UNC13B: variants seen among roughly 807,000 people sequenced by gnomAD.
UNC13B encodes the protein protein unc-13 homolog B.
In UNC13B, 144 loss-of-function variants were observed where a neutral mutation model predicts 211.0. The observed-to-expected ratio is 0.68, with a 90% CI of 0.60 to 0.78. The LOEUF (loss-of-function observed/expected upper bound fraction) is 0.78. UNC13B is among the 30% of genes least tolerant of loss of function. The pLI, the probability that UNC13B is intolerant of heterozygous loss-of-function variation, is 0.00. For missense variants in UNC13B, 1,777 were observed against 2,002.0 expected (o/e 0.89, Z 2.14); for synonymous variants, 709 against 725.8 (o/e 0.98, Z 0.37).
intron 7 of UNC13B, among the ~76,000 whole-genome samples, chr9:35,261,479 T>C (rs1262675429): frequency 6.6e-6 from 1 of 152,096 alleles, no homozygotes; most frequent in African/African-American, 2.4e-5. Context: ...ATTTTATTTA[T>C]TTTTTAATTT....
chr9:35,163,021 G>A (rs1820859839), intron 1 of UNC13B, among the ~76,000 whole-genome samples: 1 of 152,202 alleles, frequency 6.6e-6, no homozygotes, highest in Non-Finnish European at 1.5e-5. Flanking sequence ...CGCGAACTAA[G>A]TTCTATGTGG....
At chr9:35,386,070 T>A (rs1251891255) in intron 23 of UNC13B, 95 bp from the exon 24 acceptor site, 2 of 1,558,154 alleles carry the variant, frequency 1.3e-6, no homozygotes, top group Non-Finnish European at 1.7e-6. Flanking sequence ...CAGACAGGGA[T>A]GAAAGAATCT....
In UNC13B at chr9:35,301,271, G is replaced by T. The variant is rs1185188708; in HGVS notation, c.1867G>T (p.Gly623Cys). 7.5e-6 allele frequency: 3 copies of T among 398,640 alleles called. No individual in the cohort carries two copies. The highest frequency in any genetic ancestry group is 1.3e-4 in the South Asian group (1 of 7,836). The allele number at this position is 398,640 out of a possible 1,614,324, so 24.7% of individuals were successfully genotyped here. A position where few individuals can be genotyped will look rare whatever the true frequency, so the allele number is the denominator to read the frequency against. ...AAAAACCTCTGAAAATGAGCACATG[G>T]GTAATAAAACTGGGAGTTTATACTT... ...HRKTSENEHM[G>C]NKTGSLYFQN... The change falls in exon 9 of 40, where the codon GGT (glycine) becomes TGT (cysteine). Residue 623 changes from glycine (G) to cysteine (C), a missense_variant. Coordinates refer to ENST00000635942, the MANE Select transcript of UNC13B (RefSeq NM_001371189.2).
In UNC13B at chr9:35,305,334, G is replaced by C; in HGVS notation, c.5930G>C (p.Gly1977Ala). The change falls in exon 9 of 40, where the codon GGT becomes GCT. Residue 1977 changes from glycine (G) to alanine (A), a missense_variant. Transcript: ENST00000635942. ...CCTCAAGAAAAGAAAGAATCTTCTG[G>C]TGTTTCAAATTTTTGGGGTACCCTT... ...IPPQEKKESS[G>A]VSNFWGTLGD... is the part of the protein sequence containing the mutation. 2.5e-6 allele frequency: 1 copy of C among 398,908 alleles called. No individual in the cohort carries two copies. The allele number at this position is 398,908 out of a possible 1,614,324, so 24.7% of individuals were successfully genotyped here. A position where few individuals can be genotyped will look rare whatever the true frequency, so the allele number is the denominator to read the frequency against.
At chr9:35,345,724 T>TA in intron 11 of UNC13B, among the ~76,000 whole-genome samples, 1 of 152,304 alleles carries the variant, frequency 6.6e-6, no homozygotes, top group East Asian at 1.9e-4. Context: ...CTCCTTGGTA[T>TA]AAAAAACCTT....
At position 35,306,308 on chromosome 9, in the gene UNC13B, G is replaced by GT. The variant is rs1183231980; in HGVS notation, c.6905dup (p.Asp2303ArgfsTer24). ...TACCTCCCTTGCAGATGAGCTCAGT[G>GT]TAGACAAGGACTGTCAGGAAAAACT... On this transcript the variant is annotated frameshift_variant, in exon 9 of 40. Coordinates refer to ENST00000635942, the MANE Select transcript of UNC13B (RefSeq NM_001371189.2). LOFTEE classifies it high-confidence loss of function. The GT allele has an allele frequency of 2.5e-6, 1 of 398,908 alleles. No individual in the cohort carries two copies. Among genetic ancestry groups the GT allele is most frequent in the Non-Finnish European group, 4.4e-6 (1 of 226,058 alleles). The allele number at this position is 398,908 out of a possible 1,614,324, so 24.7% of individuals were successfully genotyped here. A position where few individuals can be genotyped will look rare whatever the true frequency, so the allele number is the denominator to read the frequency against.
intron 2 of UNC13B, among the ~76,000 whole-genome samples, chr9:35,230,511 T>C (rs2131501126): frequency 6.6e-6 from 1 of 151,852 alleles, no homozygotes; most frequent in East Asian, 1.9e-4. Flanking sequence ...TTTATGTAAC[T>C]TGTGCTTTAG....
chr9:35,361,924 T>G (rs1833440409), intron 11 of UNC13B: 1 of 152,172 alleles, frequency 6.6e-6, no homozygotes, highest in East Asian at 1.9e-4. Context: ...CAGTAAGACT[T>G]GAATACAGGA....
intron 11 of UNC13B, among the ~76,000 whole-genome samples, chr9:35,362,730 G>A (rs1364291201): frequency 6.6e-6 from 1 of 151,490 alleles, no homozygotes; most frequent in Admixed American, 6.6e-5. Flanking sequence ...AACCCAGGAG[G>A]TGGAGCTTGC....
chr9:35,290,252 T>A (rs1829026250), intron 7 of UNC13B, among the ~76,000 whole-genome samples: 1 of 152,092 alleles, frequency 6.6e-6, no homozygotes, highest in Non-Finnish European at 1.5e-5. Context: ...AAGGACCCAA[T>A]AGGCTAGAGT....
In UNC13B at chr9:35,384,432, A is replaced by T. The variant is rs545039770; in HGVS notation, c.10875+118A>T. On this transcript the variant is annotated intron_variant, in intron 22 of 39. Coordinates refer to ENST00000635942, the MANE Select transcript of UNC13B (RefSeq NM_001371189.2). ...AGGGAAAACTGGTCTGTGTCATCAC[A>T]TCCACCCAAATGGCCAATGCTACTG... The T allele has an allele frequency of 1.6e-5, 23 of 1,472,856 alleles. No homozygotes were observed. In the East Asian group the frequency reaches 4.4e-4, roughly 28 times the overall value. 91.2% of individuals were successfully genotyped at this position (1,472,856 alleles called of 1,614,324 possible). A position where few individuals can be genotyped will look rare whatever the true frequency, so the allele number is the denominator to read the frequency against.
In UNC13B at chr9:35,399,264, C is replaced by T; in HGVS notation, c.12178C>T (p.Pro4060Ser). 1.2e-6 allele frequency: 2 copies of T among 1,614,118 alleles called. No homozygotes were observed. Among genetic ancestry groups the T allele is most frequent in the Non-Finnish European group, 1.7e-6 (2 of 1,180,008 alleles). Reference sequence around the variant, plus strand: ...CACAATGGAGAGGATGATTGTTCTGCCCCCACTCACTGACCAGACGGTAAG... The same window carrying T: ...CACAATGGAGAGGATGATTGTTCTGTCCCCACTCACTGACCAGACGGTAAG... ...MNTMERMIVL[P>S]PLTDQTGTQL... The change falls in exon 34 of 40, where the codon CCC becomes TCC. Residue 4060 changes from proline (P) to serine (S), a missense_variant. Transcript: ENST00000635942.
In UNC13B at chr9:35,310,792, G is replaced by T. The variant is rs1830148176; in HGVS notation, c.9323+11G>T. 1 of 1,610,560 alleles carries T rather than the reference G, an allele frequency of 6.2e-7. No homozygotes were observed. The highest frequency in any genetic ancestry group is 8.5e-7 in the Non-Finnish European group (1 of 1,178,326). On this transcript the variant is annotated intron_variant, in intron 10 of 39. Transcript: ENST00000635942. ...AGGTCCCCAGGAGAGGTAGGCAACA[G>T]CTGCCTTGAGGAGCTCACATGGCTT...
At chr9:35,348,453 A>G (rs1385036839) in intron 11 of UNC13B, among the ~76,000 whole-genome samples, 1 of 152,156 alleles carries the variant, frequency 6.6e-6, no homozygotes, top group African/African-American at 2.4e-5. Context: ...CTTCTAGGAG[A>G]AAGCAGGACT....
intron 6 of UNC13B, among the ~76,000 whole-genome samples, chr9:35,254,965 T>TACG (rs1826752731): frequency 1.6e-5 from 2 of 121,610 alleles, no homozygotes; most frequent in Non-Finnish European, 3.3e-5. Flanking sequence ...ATATAATATA[T>TACG]TATATTATAT....
rs143069874 is a variant in UNC13B, at chr9:35,386,161, G to A, written c.10966-4G>A. ...GGGCCCATATTTCTTCTTTTAATTGGCAGGTACAAGAACTGCAAAGCCCTC... is the reference window on the plus strand; with the variant it reads ...GGGCCCATATTTCTTCTTTTAATTGACAGGTACAAGAACTGCAAAGCCCTC... On this transcript the variant is annotated splice_polypyrimidine_tract_variant and splice_region_variant and intron_variant, in intron 23 of 39. Coordinates refer to ENST00000635942, the MANE Select transcript of UNC13B (RefSeq NM_001371189.2). 4.7e-5 allele frequency: 76 copies of A among 1,614,062 alleles called. No homozygotes were observed. In the African/African-American group the frequency reaches 8.7e-4, roughly 18 times the overall value.
intron 13 of UNC13B, among the ~76,000 whole-genome samples, chr9:35,372,331 G>A (rs1373967997): frequency 6.6e-6 from 1 of 152,256 alleles, no homozygotes. Flanking sequence ...CTTCCCAGCT[G>A]TTCCTCCTGC....
At chr9:35,219,756 A>G (rs781718646) in intron 1 of UNC13B, among the ~76,000 whole-genome samples, 2 of 152,164 alleles carry the variant, frequency 1.3e-5, no homozygotes, top group Non-Finnish European at 2.9e-5. Context: ...TACATTAGTC[A>G]AGATTAAAAA....
intron 1 of UNC13B, among the ~76,000 whole-genome samples, chr9:35,194,843 G>A (rs1057302510): frequency 3.3e-5 from 5 of 152,138 alleles, no homozygotes; most frequent in East Asian, 1.9e-4. Flanking sequence ...GGACACATAC[G>A]AGGAGTTTAG....
Sources: gnomAD v4.1 joint callset for allele counts (sites outside exome capture counted in the v4.1 genomes callset) on GRCh38, gnomAD v4.1.1 for gene constraint, MANE v1.5 for transcripts, NCBI Gene and HGNC (gene_info 2026-07-23, HGNC 2026-07-21) for gene names.